The following ZCCHC14 variants were observed in gnomAD, a reference collection of about 807,000 sequenced individuals.
The protein encoded by ZCCHC14 is zinc finger CCHC domain-containing protein 14.
In ZCCHC14, 16 loss-of-function variants were observed where a neutral mutation model predicts 85.0. The ratio of observed to expected loss-of-function variants is 0.19; its 90% CI spans 0.13 to 0.29. ZCCHC14 has a LOEUF of 0.29. ZCCHC14 is among the 10% of genes least tolerant of loss of function. The pLI is 1.00. For missense variants in ZCCHC14, 1,303 were observed against 1,443.5 expected, an observed-to-expected ratio of 0.90 and a Z score of 1.58; for synonymous variants, 775 against 630.7, an observed-to-expected ratio of 1.23 and a Z score of -3.43.
chr16:87,413,846 C>T (rs942090266), intron 10 of ZCCHC14, among the ~76,000 whole-genome samples: 8 of 152,142 alleles, frequency 5.3e-5, no homozygotes, highest in African/African-American at 1.9e-4. Context: ...CTACTCCCAT[C>T]TCATTTCTGC....
At chr16:87,468,736 T>TG (rs1180065922) in intron 1 of ZCCHC14, among the ~76,000 whole-genome samples, 1 of 152,200 alleles carries the variant, frequency 6.6e-6, no homozygotes, top group Non-Finnish European at 1.5e-5. Context: ...TTCTGTGAAC[T>TG]GGGGTGGGGA....
chr16:87,425,915 A>G (rs1243992034), intron 3 of ZCCHC14, among the ~76,000 whole-genome samples: 1 of 152,260 alleles, frequency 6.6e-6, no homozygotes, highest in African/African-American at 2.4e-5. Flanking sequence ...GCGATTAAAC[A>G]TGGTATGGAC....
chr16:87,427,724 A>C (rs529094154), intron 3 of ZCCHC14, among the ~76,000 whole-genome samples: 2 of 151,938 alleles, frequency 1.3e-5, no homozygotes, highest in African/African-American at 4.8e-5. Flanking sequence ...TGCAGCCTTG[A>C]CCTCCCAGGC....
At chr16:87,467,416 G>A (rs111563611) in intron 1 of ZCCHC14, 48,360 of 1,602,430 alleles carry the variant, frequency 0.03, 977 homozygotes, top group Middle Eastern at 0.087. Flanking sequence ...AGCTCTCCTG[G>A]AGCAAATATG....
intron 3 of ZCCHC14, among the ~76,000 whole-genome samples, chr16:87,430,234 G>A (rs532224940): frequency 1.6e-4 from 24 of 152,260 alleles, no homozygotes; most frequent in African/African-American, 5.5e-4. Context: ...GGGCAGCGGC[G>A]GGAGTCAAGG....
intron 2 of ZCCHC14, among the ~76,000 whole-genome samples, chr16:87,437,031 GT>G (rs1567521780): frequency 6.6e-6 from 1 of 152,054 alleles, no homozygotes; most frequent in Non-Finnish European, 1.5e-5. Flanking sequence ...TCTGTGGAGC[GT>G]AAGCAAATGC....
intron 1 of ZCCHC14, among the ~76,000 whole-genome samples, chr16:87,462,336 A>T (rs1911302967): frequency 6.6e-6 from 1 of 152,218 alleles, no homozygotes; most frequent in African/African-American, 2.4e-5. Context: ...AAACAAGATA[A>T]TAGAACCGAT....
chr16:87,476,508 T>A (rs543465695), intron 1 of ZCCHC14, among the ~76,000 whole-genome samples: 23 of 152,082 alleles, frequency 1.5e-4, no homozygotes, highest in Non-Finnish European at 3.1e-4. Flanking sequence ...GTGACCAGCT[T>A]CTTACACTGC....
rs777346493 is a variant in ZCCHC14 at position 87,460,051 on chromosome 16, C to T, written c.651G>A (p.Thr217=). 5.0e-6 allele frequency: 8 copies of T among 1,614,012 alleles called. No individual in the cohort carries two copies. The highest frequency in any genetic ancestry group is 3.3e-5 in the South Asian group (3 of 91,082). ...AGGGCCTCTTGGGCAGCGACTCCTC[C>T]GTGGAATGTGCTGATGTGTGCAGGG... ...ENALHTSAHS[T]EESLPKRPLG... The change falls in exon 2 of 13, where the codon ACG becomes ACA. Residue 217 remains threonine, a synonymous_variant. Transcript: ENST00000671377.
At chr16:87,430,050 G>A (rs544931490) in intron 3 of ZCCHC14, among the ~76,000 whole-genome samples, 271 of 152,356 alleles carry the variant, frequency 1.8e-3, no homozygotes, top group African/African-American at 6.1e-3. Flanking sequence ...CAAAGAGAAA[G>A]TTTCAAATCT....
At chr16:87,433,021 G>A in intron 3 of ZCCHC14, 107 bp downstream of exon 3, 1 of 1,207,590 alleles carries the variant, frequency 8.3e-7, no homozygotes. Flanking sequence ...CACTGGCACG[G>A]GGCTTTGCAC....
intron 1 of ZCCHC14, chr16:87,472,878 ATTG>A (rs1365125984): frequency 5.3e-5 from 8 of 152,228 alleles, no homozygotes; most frequent in Non-Finnish European, 1.2e-4. Flanking sequence ...CGCCCGGCTA[ATTG>A]TTTTTATTTT....
Position 87,412,902 on chromosome 16 carries a change from C to A in ZCCHC14, c.1819G>T (p.Ala607Ser). 2 of 1,600,840 alleles carry A rather than the reference C, an allele frequency of 1.2e-6. No individual in the cohort carries two copies. The highest frequency in any genetic ancestry group is 2.2e-5 in the East Asian group (1 of 44,756). Residue 607 changes from alanine (A) to serine (S), a missense_variant, in exon 12 of 13, where the codon GCC becomes TCC. By Grantham distance (99) the Ala-to-Ser change is moderately conservative. Transcript: ENST00000671377. ...MLLNHFTSSSARPTAQVLPVQ... is the reference protein window; with the variant it reads ...MLLNHFTSSSSRPTAQVLPVQ... Reference sequence around the variant, plus strand: ...GGGAGAACCTGGGCCGTGGGTCTGGCGGAACTGGAAGTGAAGTGATTCAGC... The same window carrying A: ...GGGAGAACCTGGGCCGTGGGTCTGGAGGAACTGGAAGTGAAGTGATTCAGC...
At chr16:87,445,842 G>C (rs1436975215) in intron 2 of ZCCHC14, among the ~76,000 whole-genome samples, 1 of 152,114 alleles carries the variant, frequency 6.6e-6, no homozygotes, top group African/African-American at 2.4e-5. Context: ...ATTAAATAAT[G>C]ATTGTTGAGG....
intron 1 of ZCCHC14, among the ~76,000 whole-genome samples, chr16:87,476,417 A>G (rs1027401750): frequency 3.9e-5 from 6 of 152,090 alleles, no homozygotes; most frequent in Non-Finnish European, 5.9e-5. Flanking sequence ...ACAATACTAT[A>G]TATGTTGTGA....
At chr16:87,459,567 T>C (rs898281625) in intron 2 of ZCCHC14, among the ~76,000 whole-genome samples, 2 of 151,022 alleles carry the variant, frequency 1.3e-5, no homozygotes, top group African/African-American at 2.4e-5. Flanking sequence ...TGGAGTGCAA[T>C]GGCGTGATCT....
In ZCCHC14 at chr16:87,491,116, A is replaced by C. The variant is rs1233942201; in HGVS notation, c.570+553T>G. ...TATCTGTCACCCAAGGGCCCCATTA[A>C]GGGGACAAAGGCCTTATCGCGTTTG... On this transcript the variant is annotated intron_variant, in intron 1 of 12. Transcript: ENST00000671377. This position sits in a 1 kb window ranked among gnomAD's most constrained non-coding sequence, Gnocchi z 5.9. Among the ~76,000 whole-genome samples the C allele has an allele frequency of 2.0e-5, 3 of 152,272 alleles. No individual in the cohort carries two copies. Among genetic ancestry groups the C allele is most frequent in the African/African-American group, 7.2e-5 (3 of 41,480 alleles).
chr16:87,414,208 C>A (rs558029210), intron 10 of ZCCHC14, among the ~76,000 whole-genome samples: 3 of 151,158 alleles, frequency 2.0e-5, no homozygotes, highest in Non-Finnish European at 4.4e-5. Flanking sequence ...CGGGCCCTCT[C>A]TGTGTACGAG....
In ZCCHC14 at chr16:87,411,934, G is replaced by C; in HGVS notation, c.2787C>G (p.Gly929=). Residue 929 remains glycine, a synonymous_variant, in exon 12 of 13, where the codon GGC becomes GGG. Coordinates refer to ENST00000671377, the MANE Select transcript of ZCCHC14 (RefSeq NM_015144.3). ...CACTCGAGCCGCAGCTGCCGCTGCA[G>C]CCACAGGACGTGCACACAATGCAGC... is the stretch of plus-strand genomic sequence containing the variant. The part of the protein sequence containing the change: ...PPGCIVCTSC[G]CSGSCGSSGL... 1 of 1,606,748 alleles carries C rather than the reference G, an allele frequency of 6.2e-7. No individual in the cohort carries two copies. The highest frequency in any genetic ancestry group is 8.5e-7 in the Non-Finnish European group (1 of 1,177,660).
Sources: allele counts gnomAD v4.1 joint callset (sites outside exome capture counted in the v4.1 genomes callset), GRCh38; gene constraint gnomAD v4.1.1; non-coding constraint Gnocchi (gnomAD v3.1); transcripts MANE v1.5; gene names NCBI Gene and HGNC (gene_info 2026-07-23, HGNC 2026-07-21).